The following ANKS1B variants were observed in gnomAD, a reference collection of about 807,000 sequenced individuals.
ANKS1B encodes ankyrin repeat and sterile alpha motif domain-containing protein 1B.
In ANKS1B, 36 loss-of-function variants were observed where a neutral mutation model predicts 148.3. The ratio of observed to expected loss-of-function variants is 0.24; its 90% CI spans 0.19 to 0.32. The LOEUF (loss-of-function observed/expected upper bound fraction) is 0.32. Ranked by LOEUF, ANKS1B falls within the 10% of genes least tolerant of loss-of-function variation. The pLI is 1.00. For synonymous variants in ANKS1B, 542 were observed against 560.8 expected (o/e 0.97, Z 0.47); for missense variants, 1,157 against 1,542.6 (o/e 0.75, Z 4.19).
chr12:99,229,380 C>G (rs1322101817), intron 14 of ANKS1B, among the ~76,000 whole-genome samples: 1 of 151,808 alleles, frequency 6.6e-6, no homozygotes, highest in African/African-American at 2.4e-5. Context: ...ATAAACAATG[C>G]TGAAATGAAT....
At chr12:99,547,264 G>A (rs1475046996) in intron 9 of ANKS1B, among the ~76,000 whole-genome samples, 1 of 152,054 alleles carries the variant, frequency 6.6e-6, no homozygotes, top group African/African-American at 2.4e-5. Context: ...ACTCTTCTGA[G>A]GATTAGGAGA....
chr12:99,615,497 C>T (rs1249730656), intron 9 of ANKS1B, among the ~76,000 whole-genome samples: 1 of 151,904 alleles, frequency 6.6e-6, no homozygotes. Context: ...GTTTGGGAGT[C>T]TGTCTTTACA....
chr12:99,609,673 T>G (rs2097883541), intron 9 of ANKS1B, among the ~76,000 whole-genome samples: 1 of 151,870 alleles, frequency 6.6e-6, no homozygotes, highest in Admixed American at 6.6e-5. Flanking sequence ...GGGGGGATAT[T>G]CTCACAAGTC....
chr12:99,126,503 C>A (rs1037311698), intron 15 of ANKS1B, among the ~76,000 whole-genome samples: 2 of 151,942 alleles, frequency 1.3e-5, no homozygotes, highest in Non-Finnish European at 2.9e-5. Context: ...GTCTCCCCCT[C>A]CCCCCACCTT....
intron 17 of ANKS1B, among the ~76,000 whole-genome samples, chr12:98,860,083 C>T (rs992270671): frequency 2.0e-5 from 3 of 152,170 alleles, no homozygotes; most frequent in Non-Finnish European, 2.9e-5. Flanking sequence ...TCTCTCGTTC[C>T]GAGATGATTT....
intron 8 of ANKS1B, among the ~76,000 whole-genome samples, chr12:99,660,133 T>G (rs1014134605): frequency 6.6e-6 from 1 of 152,192 alleles, no homozygotes; most frequent in African/African-American, 2.4e-5. Flanking sequence ...TATAGATTTT[T>G]CAATGAAATT....
At chr12:99,325,378 C>T (rs1172292100) in intron 12 of ANKS1B, among the ~76,000 whole-genome samples, 1 of 152,008 alleles carries the variant, frequency 6.6e-6, no homozygotes, top group East Asian at 1.9e-4. Context: ...GGGGCTAATG[C>T]CCCAAAGAAA....
At chr12:99,818,976 T>C (rs952498439) in intron 2 of ANKS1B, among the ~76,000 whole-genome samples, 1 of 151,878 alleles carries the variant, frequency 6.6e-6, no homozygotes, top group African/African-American at 2.4e-5. Context: ...CAAGATTCCC[T>C]GTAATTAAAT....
rs1369065562 is a variant in ANKS1B at position 99,407,921 on chromosome 12, A to T, written c.1576-8110T>A. Among the ~76,000 whole-genome samples the T allele has an allele frequency of 6.2e-5, 9 of 146,184 alleles. 1 individual carries two copies. The highest frequency in any genetic ancestry group is 2.0e-4 in the Admixed American group (3 of 14,728). ...TAAACACTGTTAAAATATCCATACT[A>T]CCTAAAGCAATCTACAGATTCAATG... On this transcript the variant is annotated intron_variant, in intron 11 of 26. Transcript: ENST00000683438.
intron 9 of ANKS1B, among the ~76,000 whole-genome samples, chr12:99,609,245 A>G (rs894997964): frequency 1.3e-5 from 2 of 152,012 alleles, no homozygotes; most frequent in African/African-American, 4.8e-5. Flanking sequence ...AAATCCTTTC[A>G]AATGTCTTAT....
intron 12 of ANKS1B, among the ~76,000 whole-genome samples, chr12:99,370,473 C>T (rs908314167): frequency 1.3e-5 from 2 of 152,040 alleles, no homozygotes; most frequent in Non-Finnish European, 2.9e-5. Flanking sequence ...CCAAGAAGGC[C>T]AGTGGATCCA....
At chr12:99,021,312 A>G (rs1160271895) in intron 17 of ANKS1B, among the ~76,000 whole-genome samples, 2 of 152,262 alleles carry the variant, frequency 1.3e-5, no homozygotes, top group East Asian at 1.9e-4. Flanking sequence ...TACTGCCATT[A>G]GAAATTGGTA....
chr12:99,840,349 A>T (rs1291092445), intron 1 of ANKS1B, among the ~76,000 whole-genome samples: 1 of 152,144 alleles, frequency 6.6e-6, no homozygotes, highest in Non-Finnish European at 1.5e-5. Flanking sequence ...TGGCTGGATC[A>T]TATAGAGCCT....
intron 2 of ANKS1B, among the ~76,000 whole-genome samples, chr12:99,821,998 T>A (rs2153679572): frequency 6.6e-6 from 1 of 152,178 alleles, no homozygotes; most frequent in East Asian, 1.9e-4. Context: ...AGGAACTGAA[T>A]AAAAATAAAT....
chr12:99,270,050 AAC>A (rs1210004864), intron 12 of ANKS1B, among the ~76,000 whole-genome samples: 2 of 151,894 alleles, frequency 1.3e-5, no homozygotes, highest in African/African-American at 4.8e-5. Flanking sequence ...AAATTTAACA[AAC>A]AGAGTCCCTT....
In ANKS1B at chr12:99,494,724, C is replaced by T. The variant is rs182382673; in HGVS notation, c.1438+9752G>A. Among the ~76,000 whole-genome samples the T allele has an allele frequency of 3.8e-5, 4 of 106,110 alleles. No homozygotes were observed. In the East Asian group the frequency reaches 1.2e-3, roughly 31 times the overall value. 69.6% of individuals were successfully genotyped at this position (106,110 alleles called of 152,430 possible). ...CTCCAGCCTAGGTGACAGAGGGACACTCTGTCTCAAAAAAAAAAAAAAAAA... is the reference window on the plus strand; with the variant it reads ...CTCCAGCCTAGGTGACAGAGGGACATTCTGTCTCAAAAAAAAAAAAAAAAA... On this transcript the variant is annotated intron_variant, in intron 10 of 26. Coordinates refer to ENST00000683438, the MANE Select transcript of ANKS1B (RefSeq NM_001352186.2).
intron 1 of ANKS1B, among the ~76,000 whole-genome samples, chr12:99,835,849 T>C (rs559520222): frequency 6.6e-6 from 1 of 152,304 alleles, no homozygotes; most frequent in East Asian, 1.9e-4. Context: ...AGAAGATGGG[T>C]TGATCTGTGT....
intron 9 of ANKS1B, among the ~76,000 whole-genome samples, chr12:99,616,971 A>G (rs1466347186): frequency 6.6e-6 from 1 of 152,248 alleles, no homozygotes; most frequent in Non-Finnish European, 1.5e-5. Context: ...CCCATCAAAA[A>G]GTGGGTAAAG....
intron 9 of ANKS1B, among the ~76,000 whole-genome samples, chr12:98,735,964 G>A (rs1207327023): frequency 6.6e-6 from 1 of 152,290 alleles, no homozygotes; most frequent in East Asian, 1.9e-4. Context: ...CCATTCTGAA[G>A]GATACAGCAG....
Sources: gnomAD v4.1 joint callset for allele counts (sites outside exome capture counted in the v4.1 genomes callset) on GRCh38, gnomAD v4.1.1 for gene constraint, MANE v1.5 for transcripts, NCBI Gene and HGNC (gene_info 2026-07-23, HGNC 2026-07-21) for gene names.